Variants in ZSWIM6 observed in about 807,000 individuals in gnomAD.
The protein encoded by ZSWIM6 is zinc finger SWIM domain-containing protein 6.
In ZSWIM6, 9 loss-of-function variants were observed where a neutral mutation model predicts 113.2. The observed-to-expected ratio is 0.08, with a 90% confidence interval of 0.05 to 0.14. The LOEUF is 0.14. ZSWIM6 is among the 10% of genes least tolerant of loss of function. The probability of loss-of-function intolerance (pLI) is 1.00; values close to 1 mark genes in which losing one functional copy is unlikely to be tolerated. For missense variants in ZSWIM6, 1,162 were observed against 1,552.2 expected (o/e 0.75, Z 4.22); for synonymous variants, 611 against 606.5 (o/e 1.01, Z -0.11).
At chr5:61,395,257 C>A (rs944522405) in intron 1 of ZSWIM6, among the ~76,000 whole-genome samples, 2 of 151,950 alleles carry the variant, frequency 1.3e-5, no homozygotes. Context: ...TCTAGGTGGT[C>A]CAACTTGGTG....
rs541589254 is a variant in ZSWIM6 at position 61,384,970 on chromosome 5, G to A, written c.676+52022G>A. Among the ~76,000 whole-genome samples, 11 of 152,306 alleles carry A rather than the reference G, an allele frequency of 7.2e-5. No individual in the cohort carries two copies. The South Asian group carries it at 2.3e-3, about 32-fold the overall frequency. On this transcript the variant is annotated intron_variant, in intron 1 of 13. Transcript: ENST00000252744. ...AGCTACTCAGGAGGCTGAGGCAGGA[G>A]AATGGCGTGAACCCGGGAGGCGGAG...
At chr5:61,520,043 T>C (rs1026233419) in intron 4 of ZSWIM6, among the ~76,000 whole-genome samples, 2 of 152,140 alleles carry the variant, frequency 1.3e-5, no homozygotes, top group Non-Finnish European at 2.9e-5. Flanking sequence ...TGTGGCCAGG[T>C]TCCTAACAGG....
At chr5:61,519,221 G>T (rs971300271) in intron 4 of ZSWIM6, among the ~76,000 whole-genome samples, 2 of 152,160 alleles carry the variant, frequency 1.3e-5, no homozygotes, top group Admixed American at 6.6e-5. Context: ...TGGTTATGCT[G>T]CCTTGGATCT....
At chr5:61,434,842 A>G (rs994418714) in intron 1 of ZSWIM6, among the ~76,000 whole-genome samples, 2 of 152,254 alleles carry the variant, frequency 1.3e-5, no homozygotes, top group Non-Finnish European at 2.9e-5. Context: ...TAAAATTCTC[A>G]TAAATTTCAC....
intron 10 of ZSWIM6, 90 bp from the exon 11 acceptor site, chr5:61,538,724 C>T: frequency 7.1e-7 from 1 of 1,408,786 alleles, no homozygotes; most frequent in Non-Finnish European, 9.6e-7. Context: ...AACATCTACC[C>T]ACTCCTCTGG....
At chr5:61,374,092 T>A (rs924108828) in intron 1 of ZSWIM6, among the ~76,000 whole-genome samples, 1 of 152,204 alleles carries the variant, frequency 6.6e-6, no homozygotes, top group African/African-American at 2.4e-5. Flanking sequence ...TCTGTAGGAA[T>A]GTTGGAGTAG....
At chr5:61,502,281 A>T (rs959422521) in intron 4 of ZSWIM6, among the ~76,000 whole-genome samples, 1 of 152,180 alleles carries the variant, frequency 6.6e-6, no homozygotes, top group Non-Finnish European at 1.5e-5. Flanking sequence ...GTATGTGCCA[A>T]TATCAAGCAA....
At position 61,472,449 on chromosome 5, in the gene ZSWIM6, G is replaced by A. The variant is rs144337895; in HGVS notation, c.677-232G>A. On this transcript the variant is annotated intron_variant, in intron 1 of 13. Transcript: ENST00000252744. This position sits in a 1 kb window ranked among gnomAD's most constrained non-coding sequence, Gnocchi z 4.1. The stretch of plus-strand genomic sequence containing the variant: ...GTATGGCAATATATGTTTTCATATG[G>A]CTGTGTAAAATACTTCAGCATATCA... 4.2e-3 allele frequency among the ~76,000 whole-genome samples: 645 copies of A among 152,278 alleles called. 4 individuals carry two copies. Among genetic ancestry groups the A allele is most frequent in the South Asian group, 0.021 (100 of 4,820 alleles).
At chr5:61,536,326 A>G (rs1356774416) in intron 10 of ZSWIM6, among the ~76,000 whole-genome samples, 1 of 152,240 alleles carries the variant, frequency 6.6e-6, no homozygotes, top group East Asian at 1.9e-4. Context: ...CAAGGTGAAT[A>G]TTTTAATGAG....
rs1469147289 is a variant in ZSWIM6, at chr5:61,523,914, A to G, written c.1514-1886A>G. 7.9e-5 allele frequency among the ~76,000 whole-genome samples: 12 copies of G among 152,376 alleles called. No individual in the cohort carries two copies. In the South Asian group the frequency reaches 8.3e-4, roughly 11 times the overall value. The stretch of plus-strand genomic sequence containing the variant: ...TCACATATAAACATGTGAAAGGTTC[A>G]GGTATCTATTAATGTTTTATAAAAA... On this transcript the variant is annotated intron_variant, in intron 5 of 13. Coordinates refer to ENST00000252744, the MANE Select transcript of ZSWIM6 (RefSeq NM_020928.2).
intron 1 of ZSWIM6, among the ~76,000 whole-genome samples, chr5:61,419,853 G>A (rs1746322260): frequency 6.6e-6 from 1 of 152,214 alleles, no homozygotes; most frequent in Non-Finnish European, 1.5e-5. Flanking sequence ...CTGGGCTGGA[G>A]TTAGGTGTGC....
At chr5:61,399,111 G>T (rs995413490) in intron 1 of ZSWIM6, among the ~76,000 whole-genome samples, 4 of 151,294 alleles carry the variant, frequency 2.6e-5, no homozygotes, top group Non-Finnish European at 5.9e-5. Flanking sequence ...TTTTAGTAGA[G>T]ACGGGGTTTC....
At position 61,332,295 on chromosome 5, in the gene ZSWIM6, C is replaced by T. The variant is rs1744263979; in HGVS notation, c.23C>T (p.Pro8Leu). ...GTCATGGCGGAGCGCGGACAGCAGC[C>T]TCCTCCCGCGAAACGGCTTTGCTGC... MAERGQQPPPAKRLCCRP... is the reference protein window; with the variant it reads MAERGQQLPPAKRLCCRP... The change falls in exon 1 of 14, where the codon CCT becomes CTT. Residue 8 changes from proline to leucine, a missense_variant. Physicochemically the swap from Pro to Leu is moderately conservative, Grantham distance 98. Transcript: ENST00000252744. 3.4e-6 allele frequency: 4 copies of T among 1,168,554 alleles called. No individual in the cohort carries two copies. Among genetic ancestry groups the T allele is most frequent in the East Asian group, 7.5e-5 (2 of 26,576 alleles). 72.4% of individuals were successfully genotyped at this position (1,168,554 alleles called of 1,614,324 possible).
intron 1 of ZSWIM6, among the ~76,000 whole-genome samples, chr5:61,357,574 T>C (rs2112048288): frequency 6.6e-6 from 1 of 151,482 alleles, no homozygotes; most frequent in East Asian, 1.9e-4. Context: ...AGCCAGCTGA[T>C]CTAGTAGCCT....
chr5:61,371,035 CAA>C (rs1745252264), intron 1 of ZSWIM6, among the ~76,000 whole-genome samples: 1 of 152,152 alleles, frequency 6.6e-6, no homozygotes, highest in Admixed American at 6.5e-5. Context: ...GCTCTGGGGA[CAA>C]ACTGTCAGGT....
chr5:61,393,627 G>T (rs1425399239), intron 1 of ZSWIM6, among the ~76,000 whole-genome samples: 1 of 151,754 alleles, frequency 6.6e-6, no homozygotes, highest in African/African-American at 2.4e-5. Flanking sequence ...AATCCCAGCT[G>T]CTCAGGATGC....
intron 2 of ZSWIM6, 107 bp downstream of exon 2, chr5:61,473,144 A>C (rs1468810215): frequency 1.4e-6 from 1 of 719,228 alleles, no homozygotes; most frequent in Non-Finnish European, 2.1e-6. Flanking sequence ...GATCATCAGC[A>C]TTGCTCTTAG....
At chr5:61,338,069 T>G (rs1258184290) in intron 1 of ZSWIM6, among the ~76,000 whole-genome samples, 1 of 152,118 alleles carries the variant, frequency 6.6e-6, no homozygotes, top group East Asian at 1.9e-4. Context: ...TTCTATTTAC[T>G]TTTGGGAGAA....
intron 4 of ZSWIM6, among the ~76,000 whole-genome samples, chr5:61,496,363 G>C (rs1002148282): frequency 6.6e-6 from 1 of 152,096 alleles, no homozygotes; most frequent in Admixed American, 6.6e-5. Flanking sequence ...AGAATCTCAC[G>C]TAGAAGTAAC....
Sources: gnomAD v4.1 joint callset for allele counts (sites outside exome capture counted in the v4.1 genomes callset) on GRCh38, gnomAD v4.1.1 for gene constraint, Gnocchi (gnomAD v3.1) non-coding constraint, MANE v1.5 for transcripts, NCBI Gene and HGNC (gene_info 2026-07-23, HGNC 2026-07-21) for gene names.